Variants in ZNF609 observed in about 807,000 individuals in gnomAD.
ZNF609 encodes zinc finger protein 609.
Under a neutral mutation model 109.5 loss-of-function variants are expected in ZNF609, and 11 were observed. That is an observed-to-expected ratio of 0.10 (90% CI 0.06 to 0.17). ZNF609 has a LOEUF of 0.17. Among genes scored for constraint, ZNF609 ranks in the 10% least tolerant of loss-of-function variants. The pLI, the probability that ZNF609 is intolerant of heterozygous loss-of-function variation, is 1.00. For missense variants in ZNF609, 1,559 were observed against 1,772.4 expected (o/e 0.88, Z 2.16); for synonymous variants, 646 against 662.0 (o/e 0.98, Z 0.37).
At chr15:64,588,657 T>C (rs1249027343) in intron 2 of ZNF609, among the ~76,000 whole-genome samples, 1 of 150,690 alleles carries the variant, frequency 6.6e-6, no homozygotes, top group Non-Finnish European at 1.5e-5. Context: ...TAGTCTTTTT[T>C]TTTTTTTTTG....
At chr15:64,642,351 CT>C (rs200631703) in intron 3 of ZNF609, among the ~76,000 whole-genome samples, 1 of 151,680 alleles carries the variant, frequency 6.6e-6, no homozygotes. Context: ...GTCTGGCTAA[CT>C]TTTTTTTTCT....
intron 1 of ZNF609, among the ~76,000 whole-genome samples, chr15:64,461,526 T>G (rs1429450126): frequency 6.6e-6 from 1 of 152,178 alleles, no homozygotes; most frequent in African/African-American, 2.4e-5. Flanking sequence ...CTCTGTGCTT[T>G]GCTCAGATTC....
chr15:64,527,602 T>C (rs1893985885), intron 2 of ZNF609, among the ~76,000 whole-genome samples: 1 of 152,178 alleles, frequency 6.6e-6, no homozygotes, highest in Non-Finnish European at 1.5e-5. Flanking sequence ...TTGTCCCAAA[T>C]GTACTTCAAA....
intron 1 of ZNF609, among the ~76,000 whole-genome samples, chr15:64,482,678 G>A (rs1483392601): frequency 6.6e-6 from 1 of 152,086 alleles, no homozygotes; most frequent in Non-Finnish European, 1.5e-5. Context: ...GTAATTTGTT[G>A]GCGTCAAGGC....
chr15:64,572,958 G>A (rs945857219), intron 2 of ZNF609, among the ~76,000 whole-genome samples: 3 of 152,136 alleles, frequency 2.0e-5, no homozygotes, highest in Admixed American at 6.5e-5. Context: ...GGCTCCACGC[G>A]GGACACGTAG....
At chr15:64,668,215 A>G (rs186110226) in intron 3 of ZNF609, among the ~76,000 whole-genome samples, 7 of 152,366 alleles carry the variant, frequency 4.6e-5, no homozygotes, top group Admixed American at 3.3e-4. Flanking sequence ...AAGATAACCA[A>G]TAAAAACCAG....
At chr15:64,510,269 A>T (rs1231984837) in intron 2 of ZNF609, among the ~76,000 whole-genome samples, 1 of 149,616 alleles carries the variant, frequency 6.7e-6, no homozygotes, top group African/African-American at 2.5e-5. Context: ...CAGTAGTATG[A>T]TCACAGCTCA....
At position 64,576,971 on chromosome 15, in the gene ZNF609, A is replaced by AATAT. The variant is rs71133446; in HGVS notation, c.748-45849_748-45846dup. On this transcript the variant is annotated intron_variant, in intron 2 of 9. Coordinates refer to ENST00000326648, the MANE Select transcript of ZNF609 (RefSeq NM_015042.2). ...ATACATATATGTATATATACACATA[A>AATAT]ATATATATATGTATGTATACACATA... Among the ~76,000 whole-genome samples, 608 of 131,532 alleles carry AATAT rather than the reference A, an allele frequency of 4.6e-3. 10 individuals are homozygous for AATAT. Among genetic ancestry groups the AATAT allele is most frequent in the African/African-American group, 0.017 (582 of 33,506 alleles). 86.3% of individuals were successfully genotyped at this position (131,532 alleles called of 152,430 possible).
At chr15:64,525,837 A>G (rs914048624) in intron 2 of ZNF609, among the ~76,000 whole-genome samples, 3 of 151,232 alleles carry the variant, frequency 2.0e-5, no homozygotes, top group Non-Finnish European at 2.9e-5. Context: ...AGGCAGGGGT[A>G]CAGTGGCACA....
At chr15:64,657,521 G>T (rs530611838) in intron 3 of ZNF609, among the ~76,000 whole-genome samples, 1 of 152,262 alleles carries the variant, frequency 6.6e-6, no homozygotes, top group South Asian at 2.1e-4. Flanking sequence ...GGCTGAGGCA[G>T]GAGAATCACT....
At chr15:64,637,963 ATTC>A (rs1032609583) in intron 3 of ZNF609, among the ~76,000 whole-genome samples, 2 of 141,938 alleles carry the variant, frequency 1.4e-5, no homozygotes, top group African/African-American at 5.0e-5. Flanking sequence ...AAGATAATAT[ATTC>A]TTCTATGTTT....
chr15:64,466,579 A>T (rs1216386931), intron 1 of ZNF609, among the ~76,000 whole-genome samples: 2 of 152,232 alleles, frequency 1.3e-5, no homozygotes, highest in East Asian at 3.8e-4. Context: ...GGAGCACTGC[A>T]TAGATGGGGA....
rs577549030 is a variant in ZNF609 at position 64,521,230 on chromosome 15, C to A, written c.747+21064C>A. On this transcript the variant is annotated intron_variant, in intron 2 of 9. Transcript: ENST00000326648. ...AAGATCCTGTAAAGGGAAGGCAGAC[C>A]TTGGGCCAAGCAGCCTTTGAGGTGG... is the stretch of plus-strand genomic sequence containing the variant. 5.3e-5 allele frequency among the ~76,000 whole-genome samples: 8 copies of A among 152,322 alleles called. No individual in the cohort carries two copies. In the South Asian group the frequency reaches 1.7e-3, roughly 32 times the overall value.
intron 2 of ZNF609, among the ~76,000 whole-genome samples, chr15:64,608,070 T>C (rs889821143): frequency 2.0e-5 from 3 of 151,576 alleles, no homozygotes; most frequent in African/African-American, 7.3e-5. Flanking sequence ...GGCTAATTTT[T>C]GTATTTTTAG....
intron 3 of ZNF609, among the ~76,000 whole-genome samples, chr15:64,657,133 C>T (rs914214613): frequency 6.6e-6 from 1 of 151,938 alleles, no homozygotes; most frequent in Non-Finnish European, 1.5e-5. Context: ...GTGATGCGTG[C>T]CTGTAGTCCC....
chr15:64,645,911 G>A (rs946115252), intron 3 of ZNF609, among the ~76,000 whole-genome samples: 1 of 152,130 alleles, frequency 6.6e-6, no homozygotes, highest in Non-Finnish European at 1.5e-5. Context: ...GGAGAAATTG[G>A]AACCCTTGAG....
chr15:64,484,116 GT>G (rs1284332927), intron 1 of ZNF609, among the ~76,000 whole-genome samples: 1 of 149,654 alleles, frequency 6.7e-6, no homozygotes, highest in African/African-American at 2.5e-5. Flanking sequence ...TAAGTTCTAT[GT>G]GGAAGAGTTT....
chr15:64,651,162 T>G (rs1411744157), intron 3 of ZNF609, among the ~76,000 whole-genome samples: 2 of 152,182 alleles, frequency 1.3e-5, no homozygotes, highest in Non-Finnish European at 2.9e-5. Flanking sequence ...CTGGTCCTAT[T>G]TACTTTCAAA....
At chr15:64,540,618 G>A (rs1420818426) in intron 2 of ZNF609, among the ~76,000 whole-genome samples, 2 of 151,306 alleles carry the variant, frequency 1.3e-5, no homozygotes, top group African/African-American at 4.9e-5. Context: ...GTTGGCCAGC[G>A]TGGTCTTGAA....
Sources: gnomAD v4.1 joint callset for allele counts (sites outside exome capture counted in the v4.1 genomes callset) on GRCh38, gnomAD v4.1.1 for gene constraint, MANE v1.5 for transcripts, NCBI Gene and HGNC (gene_info 2026-07-23, HGNC 2026-07-21) for gene names.